DNAH6: variants seen among roughly 807,000 people sequenced by gnomAD.
DNAH6 encodes axonemal beta dynein heavy chain 6.
DNAH6 carries 340 observed loss-of-function variants against 491.4 expected under a neutral mutation model. The observed-to-expected ratio is 0.69, with a 90% confidence interval of 0.63 to 0.76. DNAH6 has a LOEUF of 0.76. Ranked by LOEUF, DNAH6 falls within the 30% of genes least tolerant of loss-of-function variation. The pLI is 0.00. For missense variants in DNAH6, 4,443 were observed against 4,972.2 expected, an observed-to-expected ratio of 0.89 and a Z score of 3.20; for synonymous variants, 1,603 against 1,686.1, an observed-to-expected ratio of 0.95 and a Z score of 1.21.
chr2:84,682,624 T>C (rs76459028), intron 42 of DNAH6, among the ~76,000 whole-genome samples: 21,566 of 152,192 alleles, frequency 0.14, 1,642 homozygotes, highest in Non-Finnish European at 0.16. Context: ...CCCCTCCACC[T>C]TGGCCATGCA....
the DNAH6 span, among the ~76,000 whole-genome samples, chr2:84,509,095 A>C: frequency 6.6e-6 from 1 of 152,180 alleles, no homozygotes; most frequent in Non-Finnish European, 1.5e-5. Flanking sequence ...CACTTGGTGC[A>C]GAGCTGAGTT....
intron 63 of DNAH6, among the ~76,000 whole-genome samples, chr2:84,753,328 G>A (rs531903833): frequency 6.6e-6 from 1 of 152,140 alleles, no homozygotes; most frequent in African/African-American, 2.4e-5. Context: ...CCTATGGGCT[G>A]TCTTTTCGCT....
At chr2:84,710,496 T>C in intron 56 of DNAH6, 84 bp downstream of exon 56, 2 of 1,346,616 alleles carry the variant, frequency 1.5e-6, no homozygotes, top group Non-Finnish European at 1.0e-6. Flanking sequence ...ATCCCCATCA[T>C]GCTAAAGACA....
chr2:84,619,872 A>G lies in DNAH6; in HGVS notation c.3760A>G (p.Ile1254Val), dbSNP rs1350340576. 1.9e-6 allele frequency: 3 copies of G among 1,551,232 alleles called. No individual in the cohort carries two copies. The highest frequency in any genetic ancestry group is 2.6e-6 in the Non-Finnish European group (3 of 1,146,696). ...ACCAGAAAAGGTTTATACTAATGAT[A>G]TTTTAGCAATGCTGTCACCAGAGGG... ...GEPEKVYTND[I>V]LAMLSPEGER... The change falls in exon 24 of 77, where the codon ATT (isoleucine) becomes GTT (valine). Residue 1254 changes from isoleucine to valine, a missense_variant. Around this residue, in one of 3 missense-constraint regions of DNAH6, gnomAD observed 2,977 missense variants for 3,296.6 expected, o/e 0.90. Coordinates refer to ENST00000389394, the MANE Select transcript of DNAH6 (RefSeq NM_001370.2).
intron 62 of DNAH6, among the ~76,000 whole-genome samples, chr2:84,735,823 G>T (rs1699493956): frequency 6.6e-6 from 1 of 152,134 alleles, no homozygotes; most frequent in Non-Finnish European, 1.5e-5. Context: ...TATGTACATT[G>T]TCTGTTCACT....
chr2:84,502,340 TGTTATTAATTTC>T, the DNAH6 span, among the ~76,000 whole-genome samples: 2 of 152,206 alleles, frequency 1.3e-5, no homozygotes, highest in Admixed American at 1.3e-4. Flanking sequence ...AAATTCCTCC[TGTTATTAATTTC>T]TAATTTTATT....
At chr2:84,626,023 T>C (rs1380047904) in intron 29 of DNAH6, among the ~76,000 whole-genome samples, 1 of 152,196 alleles carries the variant, frequency 6.6e-6, no homozygotes, top group East Asian at 1.9e-4. Context: ...CATCTTTTCG[T>C]ACTCTATACT....
intron 26 of DNAH6, among the ~76,000 whole-genome samples, chr2:84,623,179 G>A (rs1357326459): frequency 1.3e-5 from 2 of 152,110 alleles, no homozygotes; most frequent in Non-Finnish European, 1.5e-5. Context: ...TGACAATGGC[G>A]TTGGCATTGA....
rs374173541 is a variant in DNAH6 at position 84,647,275 on chromosome 2, A to G, written c.5078+5221A>G. On this transcript the variant is annotated intron_variant, in intron 33 of 76. Transcript: ENST00000389394. ...AGAAGCTATTTCCATAACATAAGGT[A>G]CAAGGTAAAGTAGCAAATGCTGATG... Among the ~76,000 whole-genome samples, 62 of 152,356 alleles carry G rather than the reference A, an allele frequency of 4.1e-4. 1 individual carries two copies. The highest frequency in any genetic ancestry group is 1.5e-3 in the African/African-American group (61 of 41,584).
At chr2:84,794,645 T>G (rs1169001374) in intron 68 of DNAH6, among the ~76,000 whole-genome samples, 2 of 148,886 alleles carry the variant, frequency 1.3e-5, no homozygotes, top group East Asian at 3.9e-4. Flanking sequence ...CTCACACCAG[T>G]TAGAATGGCA....
At chr2:84,609,618 AC>A (rs1295327237) in intron 21 of DNAH6, among the ~76,000 whole-genome samples, 2 of 152,108 alleles carry the variant, frequency 1.3e-5, no homozygotes. Context: ...GGCACCCCAA[AC>A]AATTATAATC....
rs1332650032 is a variant in DNAH6 at position 84,658,316 on chromosome 2, A to G, written c.5782A>G (p.Ile1928Val). ...KKLTEETQEY[I>V]LNLFQRYVDE... ...GCTGACTGAGGAAACCCAAGAATAT[A>G]TATTGAATCTTTTCCAACGTTATGT... The change falls in exon 36 of 77, where the codon ATA (isoleucine) becomes GTA (valine). Residue 1928 changes from isoleucine (I) to valine (V), a missense_variant. Transcript: ENST00000389394. The G allele has an allele frequency of 1.3e-6, 2 of 1,540,672 alleles. No individual in the cohort carries two copies. Among genetic ancestry groups the G allele is most frequent in the Non-Finnish European group, 1.8e-6 (2 of 1,142,290 alleles).
chr2:84,589,711 C>CAA (rs1301777970), intron 16 of DNAH6, among the ~76,000 whole-genome samples: 2,523 of 58,216 alleles, frequency 0.043, 145 homozygotes, highest in African/African-American at 0.14. Flanking sequence ...GACCCTGTCT[C>CAA]AAAAAAAAAA....
At chr2:84,557,256 G>T (rs961202854) in intron 10 of DNAH6, among the ~76,000 whole-genome samples, 4 of 152,092 alleles carry the variant, frequency 2.6e-5, no homozygotes, top group African/African-American at 9.7e-5. Context: ...TGAAGTTAGG[G>T]CCATGTCTTT....
intron 14 of DNAH6, among the ~76,000 whole-genome samples, chr2:84,579,919 A>G (rs1199888802): frequency 6.6e-6 from 1 of 152,194 alleles, no homozygotes; most frequent in Non-Finnish European, 1.5e-5. Flanking sequence ...AATTCTCACA[A>G]AAGCTTGAAA....
intron 18 of DNAH6, among the ~76,000 whole-genome samples, chr2:84,598,721 G>C (rs796760863): frequency 5.9e-5 from 9 of 152,190 alleles, no homozygotes; most frequent in African/African-American, 2.2e-4. Context: ...CTAACCAATG[G>C]ATAGTAGTGT....
chr2:84,768,433 A>T (rs914232414), intron 64 of DNAH6, among the ~76,000 whole-genome samples: 2 of 148,418 alleles, frequency 1.3e-5, no homozygotes, highest in East Asian at 3.9e-4. Context: ...GTGTATTATT[A>T]AAAAAAAAAC....
chr2:84,775,599 T>C (rs1281579686), intron 64 of DNAH6, among the ~76,000 whole-genome samples: 2 of 152,180 alleles, frequency 1.3e-5, no homozygotes, highest in East Asian at 3.8e-4. Flanking sequence ...CAGCTATTCT[T>C]TGTATATCTG....
intron 30 of DNAH6, among the ~76,000 whole-genome samples, chr2:84,636,436 A>C (rs185921871): frequency 1.6e-4 from 25 of 152,218 alleles, no homozygotes; most frequent in African/African-American, 6.0e-4. Flanking sequence ...GCACTGTAGT[A>C]TGTGTTGCAC....
Sources: allele counts gnomAD v4.1 joint callset (sites outside exome capture counted in the v4.1 genomes callset), GRCh38; gene constraint gnomAD v4.1.1; regional missense constraint gnomAD v4.1.1; transcripts MANE v1.5; gene names NCBI Gene and HGNC (gene_info 2026-07-23, HGNC 2026-07-21).